CTNND2: variants seen among roughly 807,000 people sequenced by gnomAD.
CTNND2 encodes the protein catenin delta-2.
In CTNND2, 22 loss-of-function variants were observed where a neutral mutation model predicts 144.4. The ratio of observed to expected loss-of-function variants is 0.15; its 90% CI spans 0.11 to 0.22. The LOEUF (loss-of-function observed/expected upper bound fraction) is 0.22. Ranked by LOEUF, CTNND2 falls within the 10% of genes least tolerant of loss-of-function variation. The pLI is 1.00. For synonymous variants in CTNND2, 751 were observed against 695.6 expected, an observed-to-expected ratio of 1.08 and a Z score of -1.25; for missense variants, 1,353 against 1,618.8, an observed-to-expected ratio of 0.84 and a Z score of 2.82.
intron 2 of CTNND2, among the ~76,000 whole-genome samples, chr5:11,653,215 A>C (rs979359827): frequency 3.3e-5 from 5 of 152,072 alleles, no homozygotes; most frequent in Non-Finnish European, 5.9e-5. Context: ...GGGAATGCAG[A>C]TATCTCTTTG....
chr5:11,468,110 G>T (rs1489165190), intron 3 of CTNND2, among the ~76,000 whole-genome samples: 2 of 152,188 alleles, frequency 1.3e-5, no homozygotes, highest in African/African-American at 4.8e-5. Flanking sequence ...TGCACAGGCA[G>T]AAGGGCAAAT....
chr5:11,518,594 G>T (rs980331825), intron 3 of CTNND2, among the ~76,000 whole-genome samples: 34 of 152,054 alleles, frequency 2.2e-4, no homozygotes, highest in African/African-American at 7.5e-4. Flanking sequence ...TGCAAGCCCT[G>T]CATGGTTTAA....
At chr5:11,245,934 G>A (rs954690789) in intron 9 of CTNND2, among the ~76,000 whole-genome samples, 3 of 152,104 alleles carry the variant, frequency 2.0e-5, no homozygotes, top group Non-Finnish European at 4.4e-5. Context: ...ACCACCTCTC[G>A]TTCATCTAAG....
At chr5:11,400,578 T>C (rs1236669805) in intron 5 of CTNND2, among the ~76,000 whole-genome samples, 1 of 150,984 alleles carries the variant, frequency 6.6e-6, no homozygotes, top group Admixed American at 6.6e-5. Flanking sequence ...TTAAGACAGT[T>C]TTCTTTGTTC....
At chr5:11,434,727 A>G (rs1763605524) in intron 3 of CTNND2, among the ~76,000 whole-genome samples, 1 of 152,176 alleles carries the variant, frequency 6.6e-6, no homozygotes, top group Admixed American at 6.5e-5. Flanking sequence ...TCCCCTTGTC[A>G]GATTCTTTCA....
chr5:11,501,386 C>CCTGT (rs1320351241), intron 3 of CTNND2, among the ~76,000 whole-genome samples: 2 of 150,152 alleles, frequency 1.3e-5, no homozygotes, highest in African/African-American at 5.1e-5. Context: ...ACTGTGTACT[C>CCTGT]CTGGCAAGAG....
intron 11 of CTNND2, among the ~76,000 whole-genome samples, chr5:11,178,327 C>T (rs538565086): frequency 1.3e-5 from 2 of 152,282 alleles, no homozygotes; most frequent in South Asian, 4.1e-4. Context: ...GAGGAATACT[C>T]TTGAAGCCTG....
At chr5:11,675,101 C>T (rs1438993176) in intron 2 of CTNND2, among the ~76,000 whole-genome samples, 3 of 151,972 alleles carry the variant, frequency 2.0e-5, no homozygotes, top group Admixed American at 2.0e-4. Flanking sequence ...TTTATTCAAA[C>T]TAAGATTGTC....
chr5:11,616,678 C>T (rs181319996), intron 2 of CTNND2, among the ~76,000 whole-genome samples: 20 of 151,560 alleles, frequency 1.3e-4, no homozygotes, highest in Admixed American at 3.9e-4. Context: ...GTGATCTTGG[C>T]TCACTGCACC....
intron 1 of CTNND2, among the ~76,000 whole-genome samples, chr5:11,786,795 C>T (rs1339694750): frequency 6.6e-6 from 1 of 152,192 alleles, no homozygotes; most frequent in Non-Finnish European, 1.5e-5. Context: ...ACTGTGCTAA[C>T]TAACATACTG....
At chr5:11,475,306 T>C (rs1417504137) in intron 3 of CTNND2, among the ~76,000 whole-genome samples, 1 of 152,216 alleles carries the variant, frequency 6.6e-6, no homozygotes, top group African/African-American at 2.4e-5. Context: ...ATTCAGGATT[T>C]TGGATACTCA....
chr5:11,504,678 G>T (rs112668158), intron 3 of CTNND2, among the ~76,000 whole-genome samples: 2 of 152,290 alleles, frequency 1.3e-5, no homozygotes, highest in Admixed American at 6.5e-5. Flanking sequence ...CAATGTGGAT[G>T]GCTGTGGGGA....
At position 11,903,871 on chromosome 5, in the gene CTNND2, C is replaced by T; in HGVS notation, c.-18G>A. On this transcript the variant is annotated 5_prime_UTR_variant, in exon 1 of 22. Transcript: ENST00000304623. The surrounding 1 kb of genome is among the most constrained non-coding windows in gnomAD (Gnocchi z 5.4). Reference sequence around the variant, plus strand: ...GCAAACATGCACCCTCCGCCGGCGACAGCTCCTCAGTCCGGGAAGAGGCGT... The same window carrying T: ...GCAAACATGCACCCTCCGCCGGCGATAGCTCCTCAGTCCGGGAAGAGGCGT... 6.8e-7 allele frequency: 1 copy of T among 1,468,102 alleles called. No individual in the cohort carries two copies. Among genetic ancestry groups the T allele is most frequent in the Non-Finnish European group, 9.0e-7 (1 of 1,115,424 alleles). The allele number at this position is 1,468,102 out of a possible 1,614,324, so 90.9% of individuals were successfully genotyped here.
intron 9 of CTNND2, among the ~76,000 whole-genome samples, chr5:11,330,315 C>CAAAAAAAAAA (rs1257414767): frequency 2.4e-5 from 2 of 82,348 alleles, no homozygotes; most frequent in African/African-American, 4.3e-5. Flanking sequence ...ACTAAAAATA[C>CAAAAAAAAAA]AAAAAAAAAA....
chr5:11,020,069 G>A (rs1240792298), intron 17 of CTNND2, among the ~76,000 whole-genome samples: 1 of 152,182 alleles, frequency 6.6e-6, no homozygotes, highest in African/African-American at 2.4e-5. Flanking sequence ...TTCAGTTGGT[G>A]CAGTTCATTG....
chr5:11,708,879 T>G (rs1785867266), intron 2 of CTNND2, among the ~76,000 whole-genome samples: 1 of 152,198 alleles, frequency 6.6e-6, no homozygotes, highest in Admixed American at 6.5e-5. Flanking sequence ...CTGTCTATAG[T>G]TATGTCTTTG....
intron 16 of CTNND2, among the ~76,000 whole-genome samples, chr5:11,025,732 A>G (rs1210674391): frequency 6.6e-6 from 1 of 152,204 alleles, no homozygotes; most frequent in East Asian, 1.9e-4. Context: ...AATTATAAGC[A>G]CTACAACTCA....
chr5:11,560,003 A>G (rs983812462), intron 3 of CTNND2, among the ~76,000 whole-genome samples: 1 of 152,094 alleles, frequency 6.6e-6, no homozygotes, highest in Non-Finnish European at 1.5e-5. Context: ...TGTGGCCCAC[A>G]TTGCCAGACT....
chr5:11,003,388 T>G (rs1303259504), intron 18 of CTNND2, among the ~76,000 whole-genome samples: 1 of 152,176 alleles, frequency 6.6e-6, no homozygotes, highest in African/African-American at 2.4e-5. Context: ...GCTAAGACAT[T>G]AATGCTCACG....
Sources: allele counts gnomAD v4.1 joint callset (sites outside exome capture counted in the v4.1 genomes callset), GRCh38; gene constraint gnomAD v4.1.1; non-coding constraint Gnocchi (gnomAD v3.1); transcripts MANE v1.5; gene names NCBI Gene and HGNC (gene_info 2026-07-23, HGNC 2026-07-21).